ABCC1: variants seen among roughly 807,000 people sequenced by gnomAD.
ABCC1 encodes multidrug resistance-associated protein 1.
In ABCC1, 83 loss-of-function variants were observed where a neutral mutation model predicts 172.9. The ratio of observed to expected loss-of-function variants is 0.48; its 90% CI spans 0.40 to 0.58. The LOEUF is 0.58. Ranked by LOEUF, ABCC1 falls within the 20% of genes least tolerant of loss-of-function variation. The pLI, the probability that ABCC1 is intolerant of heterozygous loss-of-function variation, is 0.00. For missense variants in ABCC1, 1,817 were observed against 2,002.7 expected (o/e 0.91, Z 1.77); for synonymous variants, 937 against 825.2 (o/e 1.14, Z -2.32).
At chr16:15,992,548 A>G (rs759795188) in intron 1 of ABCC1, among the ~76,000 whole-genome samples, 3 of 120,652 alleles carry the variant, frequency 2.5e-5, no homozygotes, top group Non-Finnish European at 5.6e-5. Flanking sequence ...TATAGGCACA[A>G]TGGCACCGTG....
intron 10 of ABCC1, among the ~76,000 whole-genome samples, chr16:16,051,237 A>G (rs1026354640): frequency 6.6e-6 from 1 of 151,406 alleles, no homozygotes; most frequent in Non-Finnish European, 1.5e-5. Flanking sequence ...TGGTGCGATC[A>G]TAGCTCACTG....
intron 5 of ABCC1, among the ~76,000 whole-genome samples, chr16:16,017,370 A>G (rs1174385751): frequency 6.6e-6 from 1 of 152,042 alleles, no homozygotes; most frequent in Admixed American, 6.6e-5. Flanking sequence ...AGCTGGAATT[A>G]CAGGCACACA....
At chr16:15,954,716 G>T (rs1032550640) in intron 1 of ABCC1, among the ~76,000 whole-genome samples, 1 of 152,118 alleles carries the variant, frequency 6.6e-6, no homozygotes, top group Non-Finnish European at 1.5e-5. Context: ...CTGAAGGGTC[G>T]TGTTCTCTTT....
At chr16:16,137,237 G>A (rs1446603303) in intron 29 of ABCC1, among the ~76,000 whole-genome samples, 3 of 152,128 alleles carry the variant, frequency 2.0e-5, no homozygotes, top group Non-Finnish European at 2.9e-5. Context: ...GATCTCGGCT[G>A]GGCTCACATG....
intron 22 of ABCC1, among the ~76,000 whole-genome samples, chr16:16,113,839 C>T (rs2044730196): frequency 6.6e-6 from 1 of 152,110 alleles, no homozygotes; most frequent in Non-Finnish European, 1.5e-5. Flanking sequence ...AACTGTTCCA[C>T]CTTAGATCAT....
rs1315655824 is a variant in ABCC1 at position 16,142,712 on chromosome 16, G to A, written c.*1431G>A. ...TAACATTCCCAGGAAATAGTGAGAA[G>A]CTCGCCCTGTGTTTGAAACCGTGTT... is the stretch of plus-strand genomic sequence containing the variant. On this transcript the variant is annotated 3_prime_UTR_variant, in exon 31 of 31. Transcript: ENST00000399410. 1.3e-5 allele frequency: 2 copies of A among 152,080 alleles called. No individual in the cohort carries two copies. The highest frequency in any genetic ancestry group is 2.4e-5 in the African/African-American group (1 of 41,382). 9.4% of individuals were successfully genotyped at this position (152,080 alleles called of 1,614,324 possible).
At chr16:16,099,534 G>A (rs2051632597) in intron 19 of ABCC1, among the ~76,000 whole-genome samples, 1 of 152,212 alleles carries the variant, frequency 6.6e-6, no homozygotes, top group Admixed American at 6.5e-5. Flanking sequence ...AGGATACCAG[G>A]TAACTCATGA....
At chr16:15,982,960 G>A (rs533299828) in intron 1 of ABCC1, among the ~76,000 whole-genome samples, 1 of 152,136 alleles carries the variant, frequency 6.6e-6, no homozygotes, top group South Asian at 2.1e-4. Flanking sequence ...ACTGTACATG[G>A]TGTATTAGAT....
chr16:15,992,073 C>A (rs1217411512), intron 1 of ABCC1, among the ~76,000 whole-genome samples: 1 of 152,172 alleles, frequency 6.6e-6, no homozygotes, highest in African/African-American at 2.4e-5. Context: ...TCACCTGTGG[C>A]ATTAGATTCT....
At chr16:16,079,596 C>T in intron 16 of ABCC1, 118 bp downstream of exon 16, 5 of 1,254,506 alleles carry the variant, frequency 4.0e-6, no homozygotes, top group Non-Finnish European at 4.3e-6. Flanking sequence ...AGCAACGTCT[C>T]TTTTCCTCCT....
chr16:15,993,008 T>C (rs569150855), intron 1 of ABCC1, among the ~76,000 whole-genome samples: 21 of 152,276 alleles, frequency 1.4e-4, no homozygotes, highest in Admixed American at 5.2e-4. Context: ...TAGGATGTCA[T>C]CTGCCCAGAC....
chr16:16,133,920 G>A (rs776567931), intron 27 of ABCC1, among the ~76,000 whole-genome samples: 7 of 152,104 alleles, frequency 4.6e-5, no homozygotes, highest in Admixed American at 6.5e-5. Context: ...GCAAAGGGCC[G>A]GAAGATCTGC....
intron 5 of ABCC1, among the ~76,000 whole-genome samples, chr16:16,018,260 T>C (rs2048075269): frequency 6.6e-6 from 1 of 151,966 alleles, no homozygotes; most frequent in African/African-American, 2.4e-5. Flanking sequence ...TAGAAACCTA[T>C]GTCTCAGGCC....
intron 26 of ABCC1, among the ~76,000 whole-genome samples, chr16:16,128,920 G>A (rs1038491358): frequency 3.3e-5 from 5 of 152,146 alleles, no homozygotes; most frequent in South Asian, 4.1e-4. Context: ...GCTGGAACCC[G>A]GGAGGTGGAG....
In ABCC1 at chr16:16,047,530, A is replaced by C. The variant is rs45558342; in HGVS notation, c.1219-612A>C. Among the ~76,000 whole-genome samples the C allele has an allele frequency of 9.9e-3, 1,499 of 152,174 alleles. 23 individuals are homozygous for C. Among genetic ancestry groups the C allele is most frequent in the African/African-American group, 0.034 (1,407 of 41,524 alleles). On this transcript the variant is annotated intron_variant, in intron 9 of 30. Coordinates refer to ENST00000399410, the MANE Select transcript of ABCC1 (RefSeq NM_004996.4). ...TTGAGGGCTAGGGACATTTTCCCCC[A>C]CCAGGGCACGTTTGGCAATATCTGG...
At chr16:16,110,561 TGTATTTTA>T (rs913146137) in intron 21 of ABCC1, among the ~76,000 whole-genome samples, 1 of 151,924 alleles carries the variant, frequency 6.6e-6, no homozygotes, top group African/African-American at 2.4e-5. Context: ...AGCTAATTTT[TGTATTTTA>T]GTAGGCAAGG....
chr16:16,010,925 C>T (rs1458734847), intron 3 of ABCC1, among the ~76,000 whole-genome samples: 1 of 152,034 alleles, frequency 6.6e-6, no homozygotes, highest in Non-Finnish European at 1.5e-5. Flanking sequence ...AGAGTGTAGC[C>T]CTTGAGTATT....
intron 21 of ABCC1, among the ~76,000 whole-genome samples, chr16:16,110,631 C>T (rs1421137301): frequency 3.3e-5 from 5 of 152,100 alleles, no homozygotes; most frequent in African/African-American, 1.2e-4. Context: ...TCAGGTAATC[C>T]ACCCGCCTCG....
chr16:16,102,792 A>C lies in ABCC1; in HGVS notation c.2735+75A>C, dbSNP rs540526478. 3.3e-4 allele frequency: 464 copies of C among 1,420,316 alleles called. 1 individual carries two copies. In the African/African-American group the frequency reaches 5.7e-3, roughly 17 times the overall value. 88.0% of individuals were successfully genotyped at this position (1,420,316 alleles called of 1,614,324 possible). On this transcript the variant is annotated intron_variant, in intron 20 of 30. Coordinates refer to ENST00000399410, the MANE Select transcript of ABCC1 (RefSeq NM_004996.4). ...GGAGGACAAGAGGAGGAACAAAAAA[A>C]GGCCTCAGCCCCCTGAGGTCCTGGA...
Sources: gnomAD v4.1 joint callset for allele counts (sites outside exome capture counted in the v4.1 genomes callset) on GRCh38, gnomAD v4.1.1 for gene constraint, MANE v1.5 for transcripts, NCBI Gene and HGNC (gene_info 2026-07-23, HGNC 2026-07-21) for gene names.